The following LPAR1 variants were observed in gnomAD, a reference collection of about 807,000 sequenced individuals.
LPAR1 encodes the protein LPA receptor 1.
LPAR1 carries 5 observed loss-of-function variants against 23.8 expected under a neutral mutation model. The observed-to-expected ratio is 0.21, with a 90% CI of 0.11 to 0.44. LPAR1 has a LOEUF of 0.44. LPAR1 is among the 20% of genes least tolerant of loss of function. The pLI, the probability that LPAR1 is intolerant of heterozygous loss-of-function variation, is 0.99. For synonymous variants in LPAR1, 160 were observed against 164.7 expected (o/e 0.97, Z 0.22); for missense variants, 311 against 482.8 (o/e 0.64, Z 3.33).
At chr9:111,023,516 GTT>G (rs1194116920) in intron 2 of LPAR1, among the ~76,000 whole-genome samples, 1 of 146,130 alleles carries the variant, frequency 6.8e-6, no homozygotes, top group African/African-American at 2.5e-5. Flanking sequence ...ACATTTGGAT[GTT>G]TTTTTTTTTG....
chr9:110,938,057 G>T (rs931081646), intron 5 of LPAR1, among the ~76,000 whole-genome samples: 1 of 152,094 alleles, frequency 6.6e-6, no homozygotes, highest in Non-Finnish European at 1.5e-5. Flanking sequence ...AGAGAAACTT[G>T]GTTTTGTCAT....
chr9:110,929,836 C>T (rs2094287675), intron 5 of LPAR1, among the ~76,000 whole-genome samples: 1 of 151,804 alleles, frequency 6.6e-6, no homozygotes, highest in Non-Finnish European at 1.5e-5. Context: ...ATATCCCATG[C>T]AATTATTTTT....
chr9:111,025,092 A>T (rs918687428), intron 2 of LPAR1, among the ~76,000 whole-genome samples: 6 of 152,200 alleles, frequency 3.9e-5, no homozygotes, highest in Admixed American at 3.3e-4. Context: ...GTCAAATGGT[A>T]TTTCTGGTTC....
intron 5 of LPAR1, among the ~76,000 whole-genome samples, chr9:110,913,244 T>C (rs2092681379): frequency 6.6e-6 from 1 of 152,210 alleles, no homozygotes; most frequent in Non-Finnish European, 1.5e-5. Context: ...AACTGAGGCG[T>C]TGAGCTGTCT....
chr9:110,933,697 C>T (rs964062058), intron 5 of LPAR1, among the ~76,000 whole-genome samples: 32 of 152,128 alleles, frequency 2.1e-4, no homozygotes, highest in Admixed American at 2.1e-3. Context: ...CCTTTAACGA[C>T]AAGGAAAAGT....
chr9:110,930,414 C>A (rs2094332074), intron 5 of LPAR1, among the ~76,000 whole-genome samples: 2 of 151,874 alleles, frequency 1.3e-5, no homozygotes, highest in South Asian at 4.2e-4. Context: ...GAGGCTGAGG[C>A]AAGAGAATCA....
At chr9:110,978,084 T>C (rs771163395) in intron 2 of LPAR1, among the ~76,000 whole-genome samples, 7 of 152,118 alleles carry the variant, frequency 4.6e-5, no homozygotes, top group East Asian at 1.9e-4. Context: ...GAAATAGATA[T>C]ACTATATAAA....
intron 2 of LPAR1, among the ~76,000 whole-genome samples, chr9:110,986,755 C>A (rs1218997872): frequency 6.6e-6 from 1 of 151,972 alleles, no homozygotes; most frequent in African/African-American, 2.4e-5. Context: ...TGATTCAGCC[C>A]TGAATAACAG....
intron 2 of LPAR1, among the ~76,000 whole-genome samples, chr9:111,028,907 T>C (rs1173153301): frequency 1.3e-5 from 2 of 152,110 alleles, no homozygotes; most frequent in Non-Finnish European, 2.9e-5. Context: ...ATTGTAAGGA[T>C]TTTTTTCCAG....
intron 2 of LPAR1, among the ~76,000 whole-genome samples, chr9:110,998,828 T>C (rs549642344): frequency 4.3e-4 from 66 of 152,334 alleles, no homozygotes; most frequent in African/African-American, 1.5e-3. Context: ...GATCACACCA[T>C]AGCTCTACCG....
intron 2 of LPAR1, among the ~76,000 whole-genome samples, chr9:111,026,277 C>T (rs1269280469): frequency 6.6e-6 from 1 of 152,078 alleles, no homozygotes; most frequent in South Asian, 2.1e-4. Flanking sequence ...GTATTTTATT[C>T]TCTTTGTAGC....
chr9:110,892,728 AG>A (rs2084686928), intron 5 of LPAR1, among the ~76,000 whole-genome samples: 1 of 141,960 alleles, frequency 7.0e-6, no homozygotes, highest in Admixed American at 7.1e-5. Flanking sequence ...GGGAAGGGAA[AG>A]GGAAAGGGAA....
At chr9:110,932,507 C>T (rs1378541034) in intron 5 of LPAR1, among the ~76,000 whole-genome samples, 2 of 152,208 alleles carry the variant, frequency 1.3e-5, no homozygotes, top group African/African-American at 2.4e-5. Context: ...CATGGCCCTT[C>T]ACTGCTGATC....
chr9:110,982,954 A>G (rs1197801258), intron 2 of LPAR1, among the ~76,000 whole-genome samples: 1 of 151,902 alleles, frequency 6.6e-6, no homozygotes, highest in Non-Finnish European at 1.5e-5. Context: ...GCAAATGCAA[A>G]TCAAAATAGT....
upstream of LPAR1, chr9:111,038,609 C>A (rs1207189215): frequency 6.6e-6 from 3 of 455,354 alleles, no homozygotes; most frequent in Non-Finnish European, 1.3e-5. This position sits in a 1 kb window ranked among gnomAD's most constrained non-coding sequence, Gnocchi z 4.4. Context: ...AACACCCGAA[C>A]CCCCAGAGTC....
At chr9:110,948,845 T>C (rs1034525423) in intron 4 of LPAR1, among the ~76,000 whole-genome samples, 13 of 151,540 alleles carry the variant, frequency 8.6e-5, no homozygotes, top group African/African-American at 3.1e-4. Flanking sequence ...GGCAGTGAGT[T>C]GGAATTGAGA....
chr9:111,037,029 A>G (rs2141881969), intron 1 of LPAR1, among the ~76,000 whole-genome samples: 1 of 152,152 alleles, frequency 6.6e-6, no homozygotes, highest in East Asian at 1.9e-4. Context: ...CAAGGGAATA[A>G]CTTCTTAAAA....
intron 5 of LPAR1, among the ~76,000 whole-genome samples, chr9:110,895,559 A>G (rs1313531221): frequency 2.0e-5 from 3 of 152,178 alleles, no homozygotes; most frequent in Non-Finnish European, 4.4e-5. Flanking sequence ...AAAATAGATA[A>G]GCCAGGGAGG....
intron 2 of LPAR1, among the ~76,000 whole-genome samples, chr9:110,998,700 G>A (rs2140067934): frequency 6.6e-6 from 1 of 152,302 alleles, no homozygotes; most frequent in African/African-American, 2.4e-5. Flanking sequence ...ATTTTGGAGG[G>A]TGTCGCCCAA....
Sources: gnomAD v4.1 joint callset for allele counts (sites outside exome capture counted in the v4.1 genomes callset) on GRCh38, gnomAD v4.1.1 for gene constraint, Gnocchi (gnomAD v3.1) non-coding constraint, MANE v1.5 for transcripts, NCBI Gene and HGNC (gene_info 2026-07-23, HGNC 2026-07-21) for gene names.